The following UGT2B7 variants were observed in gnomAD, a reference collection of about 807,000 sequenced individuals.
UGT2B7 encodes UDP-glucuronosyltransferase 2B7.
UGT2B7 carries 51 observed loss-of-function variants against 51.9 expected under a neutral mutation model. The observed-to-expected ratio is 0.98, with a 90% CI of 0.78 to 1.24. The LOEUF (loss-of-function observed/expected upper bound fraction) is 1.24, where lower values mean the gene tolerates loss of function less well. Ranked by LOEUF, UGT2B7 falls within the 50% of genes most tolerant of loss-of-function variation. UGT2B7 has a pLI of 0.00. For synonymous variants in UGT2B7, 225 were observed against 211.6 expected (o/e 1.06, Z -0.55); for missense variants, 727 against 628.4 (o/e 1.16, Z -1.68).
intron 1 of UGT2B7, among the ~76,000 whole-genome samples, chr4:69,085,947 A>G (rs936942756): frequency 5.3e-5 from 8 of 151,522 alleles, no homozygotes; most frequent in African/African-American, 1.9e-4. Context: ...TTTAAATTTT[A>G]CGTATTCAAT....
chr4:69,055,332 T>TCCTGTTTGA (rs1718160527), intron 1 of UGT2B7, among the ~76,000 whole-genome samples: 1 of 146,558 alleles, frequency 6.8e-6, no homozygotes, highest in Non-Finnish European at 1.5e-5. Flanking sequence ...ATAAAAAGGA[T>TCCTGTTTGA]CCTGTTTGAC....
At chr4:69,112,401 G>A (rs1038770203) in intron 5 of UGT2B7, 56 bp from the exon 6 acceptor site, 4 of 1,567,522 alleles carry the variant, frequency 2.6e-6, no homozygotes, top group East Asian at 4.5e-5. Flanking sequence ...CGGTGTCTGA[G>A]GGGTTTTGTC....
intron 2 of UGT2B7, 103 bp downstream of exon 2, chr4:69,098,791 T>C: frequency 3.2e-6 from 5 of 1,556,668 alleles, no homozygotes; most frequent in Non-Finnish European, 3.5e-6. Flanking sequence ...GAAAGAAAGA[T>C]GGGAAATGGG....
intron 1 of UGT2B7, among the ~76,000 whole-genome samples, chr4:69,065,614 A>G (rs369813587): frequency 2.9e-4 from 44 of 152,340 alleles, no homozygotes; most frequent in African/African-American, 1.0e-3. Flanking sequence ...TAATTTGTAA[A>G]TCAGAAACAA....
intron 1 of UGT2B7, among the ~76,000 whole-genome samples, chr4:69,068,513 G>T (rs1718528567): frequency 6.6e-6 from 1 of 151,890 alleles, no homozygotes; most frequent in African/African-American, 2.4e-5. Flanking sequence ...TTTCAGTTAT[G>T]CTATTACTAT....
At chr4:69,087,507 T>C (rs1347586903) in intron 1 of UGT2B7, among the ~76,000 whole-genome samples, 3 of 152,058 alleles carry the variant, frequency 2.0e-5, no homozygotes, top group Admixed American at 6.6e-5. Context: ...TGAGTTTGTC[T>C]TTATAATTGG....
intron 1 of UGT2B7, among the ~76,000 whole-genome samples, chr4:69,062,776 G>A (rs1376573696): frequency 6.6e-6 from 1 of 152,188 alleles, no homozygotes; most frequent in African/African-American, 2.4e-5. Context: ...ACCAAGAACT[G>A]ACTAGTCTAT....
At chr4:69,110,472 A>C (rs1251993572) in intron 5 of UGT2B7, among the ~76,000 whole-genome samples, 5 of 28,334 alleles carry the variant, frequency 1.8e-4, no homozygotes, top group African/African-American at 4.2e-4. Flanking sequence ...ACCATATAGA[A>C]GAATATTTAT....
rs559981082 is a variant in UGT2B7 at position 69,054,878 on chromosome 4, C to T, written c.-159+3276C>T. Among the ~76,000 whole-genome samples the T allele has an allele frequency of 3.3e-5, 5 of 152,112 alleles. No homozygotes were observed. In the East Asian group the frequency reaches 7.7e-4, roughly 24 times the overall value. ...GACTGAGGGCTGTTCCCAGTATATA[C>T]ATCAAGTCACTGAGGTAGGAAAAAA... is the stretch of plus-strand genomic sequence containing the variant. On this transcript the variant is annotated intron_variant, in intron 1 of 5. Transcript: ENST00000502942.
At chr4:69,066,556 A>G (rs1450541996) in intron 1 of UGT2B7, 1 of 152,156 alleles carries the variant, frequency 6.6e-6, no homozygotes, top group Non-Finnish European at 1.5e-5. Flanking sequence ...CAGAAAACAC[A>G]CTGTTGAAAT....
At chr4:69,075,696 T>C (rs1250309150) in intron 1 of UGT2B7, among the ~76,000 whole-genome samples, 2 of 152,290 alleles carry the variant, frequency 1.3e-5, no homozygotes, top group South Asian at 2.1e-4. Context: ...GGAGTTGTAA[T>C]AAAACGCTTG....
chr4:69,074,539 T>C (rs1457040919), intron 1 of UGT2B7, among the ~76,000 whole-genome samples: 3 of 151,614 alleles, frequency 2.0e-5, no homozygotes, highest in Non-Finnish European at 4.4e-5. Context: ...TATTTCCTCA[T>C]ATGGTTTTCT....
intron 1 of UGT2B7, among the ~76,000 whole-genome samples, chr4:69,078,170 CTTTTT>C (rs1718757907): frequency 6.6e-6 from 1 of 151,906 alleles, no homozygotes; most frequent in Non-Finnish European, 1.5e-5. Context: ...GGTGGATAAG[CTTTTT>C]GATGTGCTGC....
chr4:69,073,252 G>C (rs1217008287), intron 1 of UGT2B7, among the ~76,000 whole-genome samples: 1 of 152,066 alleles, frequency 6.6e-6, no homozygotes, highest in Non-Finnish European at 1.5e-5. Context: ...CCCAAAAATG[G>C]ATATTAACTT....
intron 1 of UGT2B7, among the ~76,000 whole-genome samples, chr4:69,056,960 A>G (rs1718218623): frequency 1.3e-5 from 2 of 152,210 alleles, no homozygotes; most frequent in Non-Finnish European, 2.9e-5. Context: ...CAGGCAGCCC[A>G]GCACCATGCC....
chr4:69,079,339 AG>A (rs1486911917), intron 1 of UGT2B7, among the ~76,000 whole-genome samples: 1 of 152,216 alleles, frequency 6.6e-6, no homozygotes, highest in African/African-American at 2.4e-5. Flanking sequence ...TGATCCAAAA[AG>A]ACAAACACTA....
At position 69,098,657 on chromosome 4, in the gene UGT2B7, T is replaced by A. The variant is rs1719324681; in HGVS notation, c.839T>A (p.Leu280His). The change falls in exon 2 of 6, where the codon CTC becomes CAC. Residue 280 changes from leucine to histidine, a missense_variant. Coordinates refer to ENST00000305231, the MANE Select transcript of UGT2B7 (RefSeq NM_001074.4). ...CCAAATGTTGATTTTGTTGGAGGAC[T>A]CCACTGCAAACCTGCCAAACCCCTG... The part of the protein sequence containing the change: ...LLPNVDFVGG[L>H]HCKPAKPLPK... 5 of 1,611,992 alleles carry A rather than the reference T, an allele frequency of 3.1e-6. No individual in the cohort carries two copies. Among genetic ancestry groups the A allele is most frequent in the Non-Finnish European group, 4.2e-6 (5 of 1,178,830 alleles).
chr4:69,068,293 C>A (rs1308817479), intron 1 of UGT2B7, among the ~76,000 whole-genome samples: 1 of 151,804 alleles, frequency 6.6e-6, no homozygotes, highest in Non-Finnish European at 1.5e-5. Context: ...TTCAAATTTG[C>A]CTTCAAAAAT....
chr4:69,062,229 C>T (rs911461728), intron 1 of UGT2B7, among the ~76,000 whole-genome samples: 7 of 152,092 alleles, frequency 4.6e-5, no homozygotes, highest in African/African-American at 1.7e-4. Flanking sequence ...CAGGTGCACC[C>T]CCACAAAACA....
Sources: allele counts gnomAD v4.1 joint callset (sites outside exome capture counted in the v4.1 genomes callset), GRCh38; gene constraint gnomAD v4.1.1; transcripts MANE v1.5; gene names NCBI Gene and HGNC (gene_info 2026-07-23, HGNC 2026-07-21).